Variants in COL5A2 observed in about 807,000 individuals in gnomAD.
The protein encoded by COL5A2 is collagen type V alpha 2 chain.
A neutral mutation model predicts 208.2 loss-of-function variants in COL5A2; 23 were observed. The ratio of observed to expected loss-of-function variants is 0.11; its 90% CI spans 0.08 to 0.16. COL5A2 has a LOEUF of 0.16. Among genes scored for constraint, COL5A2 ranks in the 10% least tolerant of loss-of-function variants. The pLI, the probability that COL5A2 is intolerant of heterozygous loss-of-function variation, is 1.00. For synonymous variants in COL5A2, 625 were observed against 628.5 expected (o/e 0.99, Z 0.08); for missense variants, 1,590 against 1,956.4 (o/e 0.81, Z 3.53).
intron 43 of COL5A2, among the ~76,000 whole-genome samples, chr2:189,049,972 T>C (rs942283301): frequency 3.3e-5 from 5 of 152,230 alleles, no homozygotes; most frequent in African/African-American, 9.6e-5. Context: ...ACATTCCATA[T>C]GAAAACATCA....
the COL5A2 span, among the ~76,000 whole-genome samples, chr2:189,367,300 C>A: frequency 6.6e-6 from 1 of 152,092 alleles, no homozygotes; most frequent in South Asian, 2.1e-4. Context: ...ACCCCTCTGC[C>A]CCAGACAAAC....
the COL5A2 span, among the ~76,000 whole-genome samples, chr2:189,361,161 T>C: frequency 1.3e-5 from 2 of 152,132 alleles, no homozygotes; most frequent in Non-Finnish European, 2.9e-5. Context: ...TTTTTGTTGG[T>C]GTTGATTTTC....
At chr2:189,104,410 A>G in intron 2 of COL5A2, 133 bp from the exon 3 acceptor site, 1 of 693,854 alleles carries the variant, frequency 1.4e-6, no homozygotes, top group Non-Finnish European at 2.6e-6. Context: ...TATCAGCAGT[A>G]AGCAGAATTC....
Position 189,063,127 on chromosome 2 carries a change from T to A in COL5A2, c.1869+45A>T. 3 of 1,610,232 alleles carry A rather than the reference T, an allele frequency of 1.9e-6. No individual in the cohort carries two copies. In the South Asian group the frequency reaches 3.3e-5, roughly 18 times the overall value. On this transcript the variant is annotated intron_variant, in intron 27 of 53. Transcript: ENST00000374866. ...TTGTCAAAAACATACCTCCTCCAAA[T>A]GAGGATCATGATGAGGTGGCCAACA... is the stretch of plus-strand genomic sequence containing the variant.
the COL5A2 span, among the ~76,000 whole-genome samples, chr2:189,351,500 C>A: frequency 2.0e-5 from 3 of 152,014 alleles, no homozygotes; most frequent in South Asian, 4.1e-4. Flanking sequence ...CATAATAATT[C>A]TTGGGTAAAA....
intron 1 of COL5A2, among the ~76,000 whole-genome samples, chr2:189,148,020 C>T (rs17270966): frequency 0.18 from 27,181 of 152,078 alleles, 2,860 homozygotes; most frequent in Non-Finnish European, 0.23. Context: ...CATTAAAAAG[C>T]GCCATGATGC....
At chr2:189,351,069 T>C in the COL5A2 span, among the ~76,000 whole-genome samples, 74 of 152,298 alleles carry the variant, frequency 4.9e-4, no homozygotes, top group African/African-American at 1.7e-3. Context: ...TATGACATTT[T>C]CTCAATAGGG....
chr2:189,158,275 T>C (rs923829341), intron 1 of COL5A2, among the ~76,000 whole-genome samples: 1 of 152,010 alleles, frequency 6.6e-6, no homozygotes, highest in African/African-American at 2.4e-5. Flanking sequence ...CAAAACATTT[T>C]TGCAATTCTT....
the COL5A2 span, among the ~76,000 whole-genome samples, chr2:189,242,976 C>A: frequency 6.6e-6 from 1 of 152,118 alleles, no homozygotes; most frequent in Non-Finnish European, 1.5e-5. Flanking sequence ...AAAAAATTTC[C>A]TGACATCAAA....
At chr2:189,402,317 A>C in the COL5A2 span, among the ~76,000 whole-genome samples, 212 of 152,288 alleles carry the variant, frequency 1.4e-3, no homozygotes, top group African/African-American at 5.0e-3. Flanking sequence ...TCCCTGGTTC[A>C]AGTGATTCTC....
intron 18 of COL5A2, among the ~76,000 whole-genome samples, chr2:189,069,199 C>A (rs1473635056): frequency 6.6e-6 from 1 of 152,122 alleles, no homozygotes; most frequent in African/African-American, 2.4e-5. Flanking sequence ...TTTTTCTTCC[C>A]ACACCTATCA....
the COL5A2 span, among the ~76,000 whole-genome samples, chr2:189,361,901 T>C: frequency 6.6e-6 from 1 of 152,144 alleles, no homozygotes; most frequent in Non-Finnish European, 1.5e-5. Flanking sequence ...CTCTGCACTT[T>C]AATACCATTC....
the COL5A2 span, among the ~76,000 whole-genome samples, chr2:189,413,603 C>A: frequency 3.3e-5 from 5 of 151,680 alleles, no homozygotes; most frequent in Non-Finnish European, 7.4e-5. Context: ...CCTTTCACAG[C>A]GAAGTACAAT....
At chr2:189,058,705 A>C (rs1685955187) in intron 32 of COL5A2, 144 bp downstream of exon 32, 1 of 918,514 alleles carries the variant, frequency 1.1e-6, no homozygotes. Context: ...GTTTCATAGC[A>C]CAAAATATTT....
chr2:189,192,502 T>C (rs1688943884), intron 1 of COL5A2, among the ~76,000 whole-genome samples: 2 of 152,150 alleles, frequency 1.3e-5, no homozygotes, highest in Admixed American at 6.5e-5. Flanking sequence ...ACCCTTAATA[T>C]TTCCAAGTAT....
the COL5A2 span, among the ~76,000 whole-genome samples, chr2:189,391,586 C>T: frequency 6.6e-6 from 1 of 152,030 alleles, no homozygotes; most frequent in Admixed American, 6.6e-5. Context: ...AATAAAAGTG[C>T]TTCCTTCTAT....
the COL5A2 span, among the ~76,000 whole-genome samples, chr2:189,288,410 G>A: frequency 6.6e-6 from 1 of 152,136 alleles, no homozygotes; most frequent in Non-Finnish European, 1.5e-5. Context: ...ACTACAAGCA[G>A]TATCAGGCAG....
chr2:189,079,004 T>C (rs1686474240), intron 15 of COL5A2, 59 bp downstream of exon 15: 1 of 1,320,286 alleles, frequency 7.6e-7, no homozygotes, highest in South Asian at 1.2e-5. Context: ...CTTGTTGTAA[T>C]CTAAAAGGCA....
At chr2:189,242,464 T>C in the COL5A2 span, among the ~76,000 whole-genome samples, 13 of 152,194 alleles carry the variant, frequency 8.5e-5, no homozygotes, top group African/African-American at 3.1e-4. Flanking sequence ...TTCTTCTTTT[T>C]ACTGTATAAT....
Sources: allele counts gnomAD v4.1 joint callset (sites outside exome capture counted in the v4.1 genomes callset), GRCh38; gene constraint gnomAD v4.1.1; transcripts MANE v1.5; gene names NCBI Gene and HGNC (gene_info 2026-07-23, HGNC 2026-07-21).